The following ROBO1 variants were observed in gnomAD, a reference collection of about 807,000 sequenced individuals.
The protein encoded by ROBO1 is roundabout homolog 1.
ROBO1 carries 149 observed loss-of-function variants against 195.9 expected under a neutral mutation model. The ratio of observed to expected loss-of-function variants is 0.76; its 90% confidence interval spans 0.67 to 0.87. ROBO1 has a LOEUF of 0.87. ROBO1 is among the 40% of genes least tolerant of loss of function. The pLI, the probability that ROBO1 is intolerant of heterozygous loss-of-function variation, is 0.00. For synonymous variants in ROBO1, 816 were observed against 733.2 expected, an observed-to-expected ratio of 1.11 and a Z score of -1.82; for missense variants, 1,933 against 2,068.3, an observed-to-expected ratio of 0.93 and a Z score of 1.27.
At chr3:79,718,679 A>G (rs1316094991) in intron 1 of ROBO1, among the ~76,000 whole-genome samples, 1 of 152,070 alleles carries the variant, frequency 6.6e-6, no homozygotes, top group Non-Finnish European at 1.5e-5. Flanking sequence ...CAAATAGAAA[A>G]TGGGCATGGA....
rs115832238 is a variant in ROBO1, at chr3:78,789,372, A to C, written c.500-42472T>G. 4.4e-3 allele frequency among the ~76,000 whole-genome samples: 668 copies of C among 152,290 alleles called. 4 individuals are homozygous for C. Among genetic ancestry groups the C allele is most frequent in the African/African-American group, 0.014 (591 of 41,576 alleles). On this transcript the variant is annotated intron_variant, in intron 4 of 30. Coordinates refer to ENST00000464233, the MANE Select transcript of ROBO1 (RefSeq NM_002941.4). ...CAAATGAAATTAGGGTTCAAGTATGAACAATTTTTTAACGACTAAGAATGA... is the reference window on the plus strand; with the variant it reads ...CAAATGAAATTAGGGTTCAAGTATGCACAATTTTTTAACGACTAAGAATGA...
intron 29 of ROBO1, among the ~76,000 whole-genome samples, chr3:78,604,685 G>C (rs1703367189): frequency 1.3e-5 from 2 of 152,078 alleles, no homozygotes; most frequent in South Asian, 2.1e-4. Flanking sequence ...TGCAGTCACA[G>C]AACAAAGAGA....
At chr3:79,353,695 G>C (rs1228997983) in intron 2 of ROBO1, among the ~76,000 whole-genome samples, 1 of 152,068 alleles carries the variant, frequency 6.6e-6, no homozygotes, top group East Asian at 1.9e-4. Context: ...TAATCAGAGG[G>C]CTATGGTGTT....
chr3:79,217,142 T>C (rs1229759707), intron 2 of ROBO1, among the ~76,000 whole-genome samples: 1 of 152,128 alleles, frequency 6.6e-6, no homozygotes, highest in Non-Finnish European at 1.5e-5. Context: ...GTTTGTTTAT[T>C]GCTTTTCAGC....
At chr3:79,746,866 G>C (rs546674364) in intron 1 of ROBO1, among the ~76,000 whole-genome samples, 1 of 152,096 alleles carries the variant, frequency 6.6e-6, no homozygotes, top group Admixed American at 6.5e-5. Flanking sequence ...TAATTATAAA[G>C]AATCATGGAT....
chr3:79,282,307 G>C (rs928522789), intron 2 of ROBO1, among the ~76,000 whole-genome samples: 1 of 152,138 alleles, frequency 6.6e-6, no homozygotes, highest in Admixed American at 6.5e-5. Context: ...ACCAAAAAAA[G>C]AACCCTCCTC....
intron 1 of ROBO1, among the ~76,000 whole-genome samples, chr3:79,738,618 T>C (rs551158381): frequency 6.6e-6 from 1 of 152,310 alleles, no homozygotes; most frequent in East Asian, 1.9e-4. Context: ...AGGATATTTA[T>C]TCACAAGAAG....
At chr3:79,764,770 A>G (rs1704896355) in intron 1 of ROBO1, among the ~76,000 whole-genome samples, 1 of 152,178 alleles carries the variant, frequency 6.6e-6, no homozygotes, top group African/African-American at 2.4e-5. Context: ...GGTCAATGTT[A>G]TTTTGTATTT....
At chr3:78,940,699 C>T (rs931224491) in intron 3 of ROBO1, among the ~76,000 whole-genome samples, 2 of 152,210 alleles carry the variant, frequency 1.3e-5, no homozygotes, top group African/African-American at 4.8e-5. Flanking sequence ...CACTATACAG[C>T]TACCCTTGGT....
intron 3 of ROBO1, among the ~76,000 whole-genome samples, chr3:79,041,898 T>A (rs1328754141): frequency 1.3e-5 from 2 of 152,142 alleles, no homozygotes; most frequent in African/African-American, 4.8e-5. Context: ...AAGAAAGACA[T>A]AATTTTGCTC....
chr3:78,597,607 A>G lies in ROBO1; in HGVS notation c.*1306T>C, dbSNP rs902871340. 5 of 152,336 alleles carry G rather than the reference A, an allele frequency of 3.3e-5. No homozygotes were observed. The highest frequency in any genetic ancestry group is 1.3e-4 in the Admixed American group (2 of 15,276). The allele number at this position is 152,336 out of a possible 1,614,324, so 9.4% of individuals were successfully genotyped here. On this transcript the variant is annotated 3_prime_UTR_variant, in exon 31 of 31. Coordinates refer to ENST00000464233, the MANE Select transcript of ROBO1 (RefSeq NM_002941.4). ...TCATAAAATGACAAAAAAGGATCAT[A>G]GAAATCTACTAGTCAGAGGGCATCA...
chr3:79,757,818 C>T (rs73128505), intron 1 of ROBO1, among the ~76,000 whole-genome samples: 26,207 of 149,394 alleles, frequency 0.18, 2,287 homozygotes, highest in East Asian at 0.26. Flanking sequence ...TGACCACTGG[C>T]TCAATCGCAT....
intron 2 of ROBO1, among the ~76,000 whole-genome samples, chr3:79,331,824 G>A (rs1044432720): frequency 1.3e-5 from 2 of 152,172 alleles, no homozygotes; most frequent in African/African-American, 4.8e-5. Context: ...GATAATAAAA[G>A]AGCATAATTT....
intron 4 of ROBO1, among the ~76,000 whole-genome samples, chr3:78,812,507 A>G (rs555118348): frequency 2.6e-5 from 4 of 152,086 alleles, no homozygotes; most frequent in African/African-American, 9.7e-5. Flanking sequence ...CACATACTCA[A>G]TGATGATTAT....
chr3:79,504,989 G>A (rs1940310847), intron 2 of ROBO1, among the ~76,000 whole-genome samples: 1 of 151,260 alleles, frequency 6.6e-6, no homozygotes, highest in Non-Finnish European at 1.5e-5. Context: ...CCATTTTGCA[G>A]CTCTTAAAAT....
At chr3:78,623,472 A>G (rs1704574391) in intron 26 of ROBO1, among the ~76,000 whole-genome samples, 1 of 152,146 alleles carries the variant, frequency 6.6e-6, no homozygotes, top group African/African-American at 2.4e-5. Flanking sequence ...ATGGGTAAGG[A>G]TGGTAGGGCA....
chr3:79,308,207 G>T (rs2033310872), intron 2 of ROBO1, among the ~76,000 whole-genome samples: 1 of 152,108 alleles, frequency 6.6e-6, no homozygotes, highest in African/African-American at 2.4e-5. Context: ...TAAAGTAGAA[G>T]TTGTATAATT....
intron 1 of ROBO1, among the ~76,000 whole-genome samples, chr3:79,755,822 C>T (rs759737910): frequency 4.6e-5 from 7 of 152,174 alleles, no homozygotes; most frequent in Non-Finnish European, 7.3e-5. Context: ...ACGATCTCAG[C>T]ACACATTTTT....
intron 3 of ROBO1, among the ~76,000 whole-genome samples, chr3:78,950,710 C>T (rs1406651524): frequency 1.3e-5 from 2 of 150,176 alleles, no homozygotes; most frequent in Non-Finnish European, 3.0e-5. Context: ...AACAAAACAT[C>T]AAGAAACAGT....
Sources: allele counts gnomAD v4.1 joint callset (sites outside exome capture counted in the v4.1 genomes callset), GRCh38; gene constraint gnomAD v4.1.1; transcripts MANE v1.5; gene names NCBI Gene and HGNC (gene_info 2026-07-23, HGNC 2026-07-21).